The following DNAH7 variants were observed in gnomAD, a reference collection of about 807,000 sequenced individuals.
The protein encoded by DNAH7 is axonemal beta dynein heavy chain 7.
A neutral mutation model predicts 444.6 loss-of-function variants in DNAH7; 397 were observed. That is an observed-to-expected ratio of 0.89 (90% CI 0.82 to 0.97). The LOEUF is 0.97. Among genes scored for constraint, DNAH7 ranks in the 50% least tolerant of loss-of-function variants. DNAH7 has a pLI of 0.00. For missense variants in DNAH7, 4,902 were observed against 4,800.8 expected (o/e 1.02, Z -0.62); for synonymous variants, 1,636 against 1,624.4 (o/e 1.01, Z -0.17).
At chr2:195,954,112 G>A (rs1233861003) in intron 19 of DNAH7, among the ~76,000 whole-genome samples, 4 of 152,012 alleles carry the variant, frequency 2.6e-5, no homozygotes, top group Non-Finnish European at 4.4e-5. Context: ...GTGCCATGTT[G>A]GTGTGCTGCA....
chr2:195,802,133 ATAAT>A (rs1206576524), intron 54 of DNAH7, among the ~76,000 whole-genome samples: 3 of 152,244 alleles, frequency 2.0e-5, no homozygotes, highest in African/African-American at 4.8e-5. Flanking sequence ...TCATCTATAC[ATAAT>A]TAATTCACCT....
chr2:195,864,645 G>A lies in DNAH7; in HGVS notation c.7010C>T (p.Ala2337Val). Reference sequence around the variant, plus strand: ...ACTCCCTCCAACCCCTACTAGGAGAGCATGGCTGCGAGGCTGCTTCAGGAT... The same window carrying A: ...ACTCCCTCCAACCCCTACTAGGAGAACATGGCTGCGAGGCTGCTTCAGGAT... ...SRILKQPRSH[A>V]LLVGVGGSGR... is the part of the protein sequence containing the mutation. The change falls in exon 41 of 65, where the codon GCT becomes GTT. Residue 2337 changes from alanine to valine, a missense_variant. Coordinates refer to ENST00000312428, the MANE Select transcript of DNAH7 (RefSeq NM_018897.3). 6.2e-7 allele frequency: 1 copy of A among 1,614,176 alleles called. No homozygotes were observed.
intron 19 of DNAH7, among the ~76,000 whole-genome samples, chr2:195,950,959 A>G (rs1690210871): frequency 7.1e-6 from 1 of 140,622 alleles, no homozygotes; most frequent in Admixed American, 7.6e-5. Context: ...GATCTAAGTT[A>G]TTTCTTGTCT....
At chr2:196,026,630 T>C (rs1033631763) in intron 7 of DNAH7, 130 bp downstream of exon 7, 5 of 647,960 alleles carry the variant, frequency 7.7e-6, no homozygotes, top group Non-Finnish European at 1.3e-5. Context: ...TTAAGTAATA[T>C]AACAGCAATG....
At chr2:195,881,742 CATTCTT>C in intron 36 of DNAH7, 47 bp downstream of exon 36, 1 of 1,513,926 alleles carries the variant, frequency 6.6e-7, no homozygotes, top group Non-Finnish European at 9.0e-7. Context: ...ATTTCAAAAA[CATTCTT>C]AGGAAGATTA....
chr2:195,747,630 A>G (rs1251213335), intron 63 of DNAH7, among the ~76,000 whole-genome samples: 1 of 152,248 alleles, frequency 6.6e-6, no homozygotes, highest in Non-Finnish European at 1.5e-5. Flanking sequence ...CAAAAAGCTT[A>G]TCCACCATGA....
intron 42 of DNAH7, 117 bp downstream of exon 42, chr2:195,861,600 C>T (rs902659527): frequency 7.9e-6 from 6 of 759,180 alleles, no homozygotes; most frequent in Admixed American, 2.9e-5. Context: ...AAAGATGTAA[C>T]AAAACTTACA....
intron 9 of DNAH7, among the ~76,000 whole-genome samples, chr2:196,013,165 T>C (rs1202710956): frequency 6.6e-6 from 1 of 152,176 alleles, no homozygotes; most frequent in Non-Finnish European, 1.5e-5. Flanking sequence ...ATATGAAGGA[T>C]AGTTTAAACT....
intron 21 of DNAH7, among the ~76,000 whole-genome samples, chr2:195,928,277 T>C (rs1688470038): frequency 6.6e-6 from 1 of 152,164 alleles, no homozygotes; most frequent in African/African-American, 2.4e-5. Context: ...TGCCTGCATA[T>C]CCTATACAAC....
chr2:196,035,134 A>C (rs1696304034), intron 5 of DNAH7, among the ~76,000 whole-genome samples: 1 of 152,144 alleles, frequency 6.6e-6, no homozygotes, highest in South Asian at 2.1e-4. Context: ...GTGAGCCAAG[A>C]TCACGCCACT....
At chr2:195,789,462 C>G (rs1400007537) in intron 57 of DNAH7, among the ~76,000 whole-genome samples, 5 of 152,096 alleles carry the variant, frequency 3.3e-5, no homozygotes, top group African/African-American at 1.2e-4. Context: ...CACAGAATAA[C>G]TGGATCAGGT....
At chr2:195,945,061 C>A (rs1435882598) in intron 19 of DNAH7, among the ~76,000 whole-genome samples, 1 of 151,714 alleles carries the variant, frequency 6.6e-6, no homozygotes, top group African/African-American at 2.4e-5. Flanking sequence ...ATAACTAGAT[C>A]TTCACTACTC....
chr2:195,813,578 T>A (rs1178990259), intron 51 of DNAH7, among the ~76,000 whole-genome samples: 2 of 152,210 alleles, frequency 1.3e-5, no homozygotes, highest in Non-Finnish European at 2.9e-5. Context: ...TTCCTCTGGA[T>A]AAAGCCAGTT....
At chr2:195,863,613 G>A (rs958609377) in intron 41 of DNAH7, among the ~76,000 whole-genome samples, 1 of 152,130 alleles carries the variant, frequency 6.6e-6, no homozygotes, top group African/African-American at 2.4e-5. Flanking sequence ...GGGCAGGGTG[G>A]AAGAAGTGAG....
rs575441783 is a variant in DNAH7 at position 195,908,832 on chromosome 2, GTTCTAA to G, written c.4104+1189_4104+1194del. Among the ~76,000 whole-genome samples, 50 of 152,134 alleles carry G rather than the reference GTTCTAA, an allele frequency of 3.3e-4. 1 individual carries two copies. The South Asian group carries it at 5.2e-3, about 16-fold the overall frequency. ...TAATTATAATTTTGAGCTTTTAAAA[GTTCTAA>G]TTCTAATTGTTCCAGTATCACAAAT... is the stretch of plus-strand genomic sequence containing the variant. On this transcript the variant is annotated intron_variant, in intron 25 of 64. Transcript: ENST00000312428.
intron 35 of DNAH7, among the ~76,000 whole-genome samples, chr2:195,883,380 G>A (rs13403132): frequency 0.056 from 8,485 of 151,770 alleles, 387 homozygotes; most frequent in African/African-American, 0.13. Flanking sequence ...CCTGGGAGGC[G>A]GAGCTTGCAG....
At chr2:195,789,281 A>G (rs1393526953) in intron 57 of DNAH7, among the ~76,000 whole-genome samples, 1 of 152,180 alleles carries the variant, frequency 6.6e-6, no homozygotes, top group Admixed American at 6.5e-5. Flanking sequence ...TATAGCAATG[A>G]AAATACTTAA....
intron 46 of DNAH7, among the ~76,000 whole-genome samples, chr2:195,848,935 C>T (rs974644305): frequency 3.3e-5 from 5 of 152,214 alleles, no homozygotes; most frequent in Non-Finnish European, 5.9e-5. Flanking sequence ...ATGGTTAAGA[C>T]AGCACTTGTG....
intron 5 of DNAH7, among the ~76,000 whole-genome samples, chr2:196,039,117 C>A (rs757358335): frequency 3.3e-5 from 5 of 152,066 alleles, no homozygotes; most frequent in Non-Finnish European, 5.9e-5. Context: ...CCAGGTTAGA[C>A]CACATGTTAG....
Sources: gnomAD v4.1 joint callset for allele counts (sites outside exome capture counted in the v4.1 genomes callset) on GRCh38, gnomAD v4.1.1 for gene constraint, MANE v1.5 for transcripts, NCBI Gene and HGNC (gene_info 2026-07-23, HGNC 2026-07-21) for gene names.